The following XXYLT1 variants were observed in gnomAD, a reference collection of about 807,000 sequenced individuals.
XXYLT1 encodes UDP-xylose:alpha-xyloside alpha-1,3-xylosyltransferase.
XXYLT1 carries 20 observed loss-of-function variants against 28.9 expected under a neutral mutation model. The ratio of observed to expected loss-of-function variants is 0.69; its 90% CI spans 0.49 to 1.00. The LOEUF (loss-of-function observed/expected upper bound fraction) is 1.00, where lower values mean the gene tolerates loss of function less well. XXYLT1 is among the 50% of genes least tolerant of loss of function. The pLI is 0.00. For synonymous variants in XXYLT1, 257 were observed against 253.8 expected (o/e 1.01, Z -0.12); for missense variants, 542 against 560.1 (o/e 0.97, Z 0.33).
intron 2 of XXYLT1, 82 bp downstream of exon 2, chr3:195,226,627 G>C: frequency 6.6e-7 from 1 of 1,522,596 alleles, no homozygotes; most frequent in Non-Finnish European, 8.9e-7. Context: ...CCCTGATACA[G>C]GGCCTGGGCA....
intron 3 of XXYLT1, chr3:195,152,428 A>G (rs140797528): frequency 2.6e-5 from 4 of 152,484 alleles, no homozygotes; most frequent in African/African-American, 9.6e-5. Flanking sequence ...CGGATGCTGG[A>G]CGCAACAGAA....
intron 2 of XXYLT1, among the ~76,000 whole-genome samples, chr3:195,162,362 C>A (rs569865763): frequency 6.6e-6 from 1 of 152,242 alleles, no homozygotes; most frequent in South Asian, 2.1e-4. Flanking sequence ...CATTAGCAGC[C>A]TGCCCCTCCT....
At chr3:195,268,304 G>A (rs946544749) in intron 1 of XXYLT1, among the ~76,000 whole-genome samples, 13 of 151,814 alleles carry the variant, frequency 8.6e-5, no homozygotes, top group Middle Eastern at 3.4e-3. Context: ...GGTGGCGGGC[G>A]CCTGTAATCC....
In XXYLT1 at chr3:195,210,211, T is replaced by C. The variant is rs1367341348; in HGVS notation, c.652+16498A>G. ...GTGCCCTGACAGAACTGACAGCACC[T>C]GGTGCATTCTCCGTGCAAACAACCC... On this transcript the variant is annotated intron_variant, in intron 2 of 3. Transcript: ENST00000310380. This position sits in a 1 kb window ranked among gnomAD's most constrained non-coding sequence, Gnocchi z 4.8. Among the ~76,000 whole-genome samples the C allele has an allele frequency of 6.6e-6, 1 of 152,202 alleles. No homozygotes were observed. The highest frequency in any genetic ancestry group is 1.5e-5 in the Non-Finnish European group (1 of 68,032).
chr3:195,090,704 CA>C (rs1248615319), intron 3 of XXYLT1, among the ~76,000 whole-genome samples: 3 of 145,892 alleles, frequency 2.1e-5, no homozygotes, highest in African/African-American at 7.9e-5. Flanking sequence ...AATAGAGACA[CA>C]AAAAACCCTT....
rs1346500225 is a variant in XXYLT1 at position 195,076,409 on chromosome 3, C to T, written c.786-6298G>A. Reference sequence around the variant, plus strand: ...GTCTGAGTCGTTTTGAATTATGTCACGCAGGGGCCTTCGGTGGGAGGAGGG... The same window carrying T: ...GTCTGAGTCGTTTTGAATTATGTCATGCAGGGGCCTTCGGTGGGAGGAGGG... On this transcript the variant is annotated intron_variant, in intron 3 of 3. Transcript: ENST00000310380. The surrounding 1 kb of genome is among the most constrained non-coding windows in gnomAD (Gnocchi z 5.3). Among the ~76,000 whole-genome samples, 3 of 151,748 alleles carry T rather than the reference C, an allele frequency of 2.0e-5. No individual in the cohort carries two copies. The highest frequency in any genetic ancestry group is 4.8e-5 in the African/African-American group (2 of 41,334).
chr3:195,228,832 G>A (rs1393633634), intron 1 of XXYLT1, among the ~76,000 whole-genome samples: 2 of 144,530 alleles, frequency 1.4e-5, no homozygotes, highest in African/African-American at 5.5e-5. Flanking sequence ...TTTTTTTCGA[G>A]ACAGAGTTTC....
intron 3 of XXYLT1, among the ~76,000 whole-genome samples, chr3:195,090,696 T>C (rs1219684332): frequency 1.4e-5 from 2 of 144,566 alleles, no homozygotes; most frequent in Non-Finnish European, 3.0e-5. Flanking sequence ...CTGAAGGAAA[T>C]AGAGACACAA....
chr3:195,145,123 C>T (rs958081598), intron 3 of XXYLT1, among the ~76,000 whole-genome samples: 3 of 152,196 alleles, frequency 2.0e-5, no homozygotes, highest in Non-Finnish European at 4.4e-5. Flanking sequence ...GTTCCAAGTT[C>T]GTGATCCTTG....
At chr3:195,241,127 G>A (rs996069378) in intron 1 of XXYLT1, among the ~76,000 whole-genome samples, 3 of 152,190 alleles carry the variant, frequency 2.0e-5, no homozygotes, top group Non-Finnish European at 2.9e-5. Context: ...GAAGCAGGGC[G>A]GGTCTTTCAG....
intron 3 of XXYLT1, among the ~76,000 whole-genome samples, chr3:195,136,160 C>T (rs1182806521): frequency 6.6e-6 from 1 of 152,168 alleles, no homozygotes; most frequent in African/African-American, 2.4e-5. Context: ...CTGGAGAGAG[C>T]CCCACACGTC....
intron 1 of XXYLT1, among the ~76,000 whole-genome samples, chr3:195,228,210 C>G (rs1180549497): frequency 6.6e-6 from 1 of 152,244 alleles, no homozygotes; most frequent in African/African-American, 2.4e-5. Context: ...CCCACCTGAA[C>G]AGGTGCCAGC....
intron 3 of XXYLT1, among the ~76,000 whole-genome samples, chr3:195,138,857 G>GAAAAAAA (rs552573280): frequency 3.6e-5 from 3 of 84,152 alleles, no homozygotes; most frequent in African/African-American, 4.2e-5. Context: ...TCTGCCTCAG[G>GAAAAAAA]AAAAAAAAAA....
chr3:195,233,503 T>C (rs1560166219), intron 1 of XXYLT1, among the ~76,000 whole-genome samples: 1 of 152,250 alleles, frequency 6.6e-6, no homozygotes, highest in Non-Finnish European at 1.5e-5. Flanking sequence ...TACTTTTTCA[T>C]ATCCATTGTA....
In XXYLT1 at chr3:195,099,830, C is replaced by CAAA. The variant is rs35428286; in HGVS notation, c.786-29722_786-29720dup. ...TGGGCGACACAGCGAGACTCTGTCTCAAAAAAAAAAAAAAAAAAAAATGCA... is the reference window on the plus strand; with the variant it reads ...TGGGCGACACAGCGAGACTCTGTCTCAAAAAAAAAAAAAAAAAAAAAAAATGCA... On this transcript the variant is annotated intron_variant, in intron 3 of 3. Coordinates refer to ENST00000310380, the MANE Select transcript of XXYLT1 (RefSeq NM_152531.5). Among the ~76,000 whole-genome samples the CAAA allele has an allele frequency of 3.3e-4, 32 of 97,222 alleles. 1 individual carries two copies. The highest frequency in any genetic ancestry group is 2.8e-3 in the South Asian group (7 of 2,474). The allele number at this position is 97,222 out of a possible 152,430, so 63.8% of individuals were successfully genotyped here.
chr3:195,149,850 G>T (rs1372727910), intron 3 of XXYLT1, among the ~76,000 whole-genome samples: 1 of 152,166 alleles, frequency 6.6e-6, no homozygotes, highest in Non-Finnish European at 1.5e-5. Context: ...GGTAATTTCC[G>T]CAGAAGCGGG....
chr3:195,204,464 ACTCACTCT>A (rs200664928), intron 2 of XXYLT1, among the ~76,000 whole-genome samples: 4,421 of 139,688 alleles, frequency 0.032, 119 homozygotes, highest in East Asian at 0.1. Context: ...ACACACACAC[ACTCACTCT>A]CTCACTCTCT....
chr3:195,208,854 G>A (rs1201586239), intron 2 of XXYLT1, among the ~76,000 whole-genome samples: 2 of 152,068 alleles, frequency 1.3e-5, no homozygotes, highest in Admixed American at 6.5e-5. Flanking sequence ...CGAGGGCCAC[G>A]ACACCCAGCA....
chr3:195,169,719 T>G (rs955579812), intron 2 of XXYLT1, among the ~76,000 whole-genome samples: 4 of 152,154 alleles, frequency 2.6e-5, no homozygotes, highest in Non-Finnish European at 5.9e-5. Flanking sequence ...AGTTTTCTAC[T>G]ATATACAAAC....
Sources: allele counts gnomAD v4.1 joint callset (sites outside exome capture counted in the v4.1 genomes callset), GRCh38; gene constraint gnomAD v4.1.1; non-coding constraint Gnocchi (gnomAD v3.1); transcripts MANE v1.5; gene names NCBI Gene and HGNC (gene_info 2026-07-23, HGNC 2026-07-21).